NSD2: variants seen among roughly 807,000 people sequenced by gnomAD.
NSD2 encodes nuclear receptor binding SET domain protein 2.
In NSD2, 12 loss-of-function variants were observed where a neutral mutation model predicts 139.0. The ratio of observed to expected loss-of-function variants is 0.09; its 90% CI spans 0.06 to 0.14. The LOEUF is 0.14. Ranked by LOEUF, NSD2 falls within the 10% of genes least tolerant of loss-of-function variation. The pLI, the probability that NSD2 is intolerant of heterozygous loss-of-function variation, is 1.00. For synonymous variants in NSD2, 669 were observed against 648.7 expected (o/e 1.03, Z -0.48); for missense variants, 1,155 against 1,745.0 (o/e 0.66, Z 6.02).
At chr4:1,879,433 A>T (rs569330055) in intron 1 of NSD2, among the ~76,000 whole-genome samples, 1 of 152,052 alleles carries the variant, frequency 6.6e-6, no homozygotes, top group Non-Finnish European at 1.5e-5. Flanking sequence ...GTTAGCCAGG[A>T]TGGTCTCAAT....
At chr4:1,889,351 A>T (rs1348062971) in intron 1 of NSD2, among the ~76,000 whole-genome samples, 1 of 151,462 alleles carries the variant, frequency 6.6e-6, no homozygotes, top group African/African-American at 2.4e-5. Flanking sequence ...GCGCTTCCAC[A>T]CCCAGCTAAC....
At chr4:1,945,059 T>C in intron 9 of NSD2, 1 of 1,066,382 alleles carries the variant, frequency 9.4e-7, no homozygotes, top group Non-Finnish European at 1.1e-6. Context: ...AGTCGGGGGC[T>C]CCTCTGTCCC....
intron 19 of NSD2, 92 bp downstream of exon 19, chr4:1,975,096 C>G: frequency 1.3e-6 from 2 of 1,581,576 alleles, no homozygotes; most frequent in Non-Finnish European, 8.6e-7. Flanking sequence ...TGGAAAGGCT[C>G]TGGGGGAGGT....
At chr4:1,941,006 A>T (rs1461801307) in intron 9 of NSD2, 1 of 1,057,844 alleles carries the variant, frequency 9.5e-7, no homozygotes, top group Admixed American at 5.4e-5. Flanking sequence ...TTACAGTTTG[A>T]TACGTGTAGA....
intron 3 of NSD2, among the ~76,000 whole-genome samples, chr4:1,907,594 C>A (rs1718089178): frequency 1.4e-5 from 2 of 139,502 alleles, no homozygotes; most frequent in African/African-American, 5.2e-5. Flanking sequence ...CTTGAAACAT[C>A]TTGTTCTACC....
intron 5 of NSD2, among the ~76,000 whole-genome samples, chr4:1,927,719 G>GAAAAAA (rs1177170379): frequency 1.6e-4 from 3 of 18,910 alleles, no homozygotes; most frequent in Non-Finnish European, 4.0e-4. Context: ...TCTTATCTCA[G>GAAAAAA]AAAAAAAAAA....
At chr4:1,953,033 C>G (rs1371111890) in intron 11 of NSD2, 2 of 1,444,078 alleles carry the variant, frequency 1.4e-6, no homozygotes, top group African/African-American at 2.9e-5. Flanking sequence ...GGAGCCCCTT[C>G]TTTCAAGCTT....
At chr4:1,933,696 G>A (rs1577479609) in intron 6 of NSD2, among the ~76,000 whole-genome samples, 1 of 152,064 alleles carries the variant, frequency 6.6e-6, no homozygotes, top group Admixed American at 6.6e-5. Context: ...GCCCGGCCCT[G>A]CAAGATGTTT....
In NSD2 at chr4:1,972,994, C is replaced by T. The variant is rs570938166; in HGVS notation, c.3373-1869C>T. On this transcript the variant is annotated intron_variant, in intron 18 of 21. Coordinates refer to ENST00000508803, the MANE Select transcript of NSD2 (RefSeq NM_001042424.3). This position sits in a 1 kb window ranked among gnomAD's most constrained non-coding sequence, Gnocchi z 4.0. ...CAGCCTCCCGAGTAACTGGGATTAC[C>T]GGTGCCCACCACCATAGCTGGATAA... 5.3e-5 allele frequency among the ~76,000 whole-genome samples: 8 copies of T among 152,072 alleles called. No homozygotes were observed. The highest frequency in any genetic ancestry group is 2.1e-4 in the South Asian group (1 of 4,820).
chr4:1,958,113 AG>A lies in NSD2; in HGVS notation c.2985+79del. The stretch of plus-strand genomic sequence containing the variant: ...CCGTGAGAGGTTCTTAGGCACACCC[AG>A]GCTATGGCTGGGGAGAGGACTGTCA... On this transcript the variant is annotated intron_variant, in intron 16 of 21. Transcript: ENST00000508803. The surrounding 1 kb of genome is among the most constrained non-coding windows in gnomAD (Gnocchi z 4.6). The A allele has an allele frequency of 6.9e-7, 1 of 1,446,876 alleles. No individual in the cohort carries two copies. Among genetic ancestry groups the A allele is most frequent in the Non-Finnish European group, 9.6e-7 (1 of 1,043,942 alleles). The allele number at this position is 1,446,876 out of a possible 1,614,324, so 89.6% of individuals were successfully genotyped here.
chr4:1,919,167 C>T (rs1433370582), intron 5 of NSD2: 2 of 63,022 alleles, frequency 3.2e-5, no homozygotes, highest in Non-Finnish European at 7.1e-5. Flanking sequence ...GACTGTGTCT[C>T]AAAAAAAAAA....
chr4:1,947,836 G>GATTT, intron 9 of NSD2: 2 of 1,050,076 alleles, frequency 1.9e-6, no homozygotes, highest in Non-Finnish European at 2.3e-6. Context: ...GTTGTGAAGG[G>GATTT]ATTTGTTTTG....
rs368955180 is a variant in NSD2 at position 1,953,565 on chromosome 4, C to A, written c.2338+41C>A. 27 of 1,561,976 alleles carry A rather than the reference C, an allele frequency of 1.7e-5. No individual in the cohort carries two copies. The African/African-American group carries it at 3.4e-4, about 20-fold the overall frequency. ...CGCAGCCTTGCTGTGGGTTCAGATGCAGGCCAGACGCAGGCCCATGGGCGC... is the reference window on the plus strand; with the variant it reads ...CGCAGCCTTGCTGTGGGTTCAGATGAAGGCCAGACGCAGGCCCATGGGCGC... On this transcript the variant is annotated intron_variant, in intron 12 of 21. Transcript: ENST00000508803.
chr4:1,917,160 C>A (rs1719501401), intron 4 of NSD2, 123 bp downstream of exon 4: 4 of 1,036,700 alleles, frequency 3.9e-6, no homozygotes, highest in Admixed American at 3.3e-5. Context: ...CAATCTCTTT[C>A]ATTGTTGACT....
intron 1 of NSD2, chr4:1,899,494 C>G (rs1345750633): frequency 3.3e-5 from 5 of 152,284 alleles, no homozygotes; most frequent in African/African-American, 1.2e-4. Context: ...AACCGCTGTT[C>G]TAGTCCACGG....
Position 1,978,777 on chromosome 4 carries a change from C to A in NSD2, c.3966C>A (p.Tyr1322Ter). The A allele has an allele frequency of 6.2e-7, 1 of 1,614,002 alleles. No individual in the cohort carries two copies. ...AFSCTPDGRS[Y>*]CCEHDLGAAS... is the part of the protein sequence containing the mutation. ...GCTGCACCCCGGACGGGCGGTCCTACTGCTGTGAGCATGACTTAGGGGCGG... is the reference window on the plus strand; with the variant it reads ...GCTGCACCCCGGACGGGCGGTCCTAATGCTGTGAGCATGACTTAGGGGCGG... The change falls in exon 22 of 22, where the codon TAC becomes TAA. Residue 1322 changes from tyrosine to a stop codon, truncating the protein, a stop_gained. Coordinates refer to ENST00000508803, the MANE Select transcript of NSD2 (RefSeq NM_001042424.3). LOFTEE classifies it low-confidence loss of function (END_TRUNC).
Position 1,978,992 on chromosome 4 carries a change from C to T in NSD2, c.*83C>T, listed in dbSNP as rs1286656112. 1.4e-5 allele frequency: 20 copies of T among 1,423,630 alleles called. No homozygotes were observed. Among genetic ancestry groups the T allele is most frequent in the Non-Finnish European group, 1.7e-5 (18 of 1,087,040 alleles). 88.2% of individuals were successfully genotyped at this position (1,423,630 alleles called of 1,614,324 possible). A position where few individuals can be genotyped will look rare whatever the true frequency, so the allele number is the denominator to read the frequency against. The stretch of plus-strand genomic sequence containing the variant: ...CGGGAGAGGGCGAGCATGAACTGGC[C>T]CGGAGGACCCAGCTCGAGCCGCCAG... On this transcript the variant is annotated 3_prime_UTR_variant, in exon 22 of 22. Transcript: ENST00000508803.
intron 6 of NSD2, among the ~76,000 whole-genome samples, chr4:1,934,908 T>TATATATAA (rs1223710483): frequency 2.7e-4 from 21 of 79,066 alleles, no homozygotes; most frequent in African/African-American, 3.3e-4. Context: ...TATATATATA[T>TATATATAA]AAAAAACAGA....
chr4:1,946,809 T>G (rs1372459797), intron 9 of NSD2: 1 of 1,055,126 alleles, frequency 9.5e-7, no homozygotes, highest in African/African-American at 1.7e-5. Context: ...TTTGGGACAT[T>G]CTTACAGCAG....
Sources: allele counts gnomAD v4.1 joint callset (sites outside exome capture counted in the v4.1 genomes callset), GRCh38; gene constraint gnomAD v4.1.1; non-coding constraint Gnocchi (gnomAD v3.1); transcripts MANE v1.5; gene names NCBI Gene and HGNC (gene_info 2026-07-23, HGNC 2026-07-21).